The following SIPA1L1 variants were observed in gnomAD, a reference collection of about 807,000 sequenced individuals.
SIPA1L1 encodes signal induced proliferation associated 1 like 1, also known as signal-induced proliferation-associated 1-like protein 1.
In SIPA1L1, 26 loss-of-function variants were observed where a neutral mutation model predicts 162.7. The observed-to-expected ratio is 0.16, with a 90% CI of 0.12 to 0.22. The LOEUF is 0.22. Among genes scored for constraint, SIPA1L1 ranks in the 10% least tolerant of loss-of-function variants. The pLI is 1.00. For synonymous variants in SIPA1L1, 829 were observed against 837.4 expected, an observed-to-expected ratio of 0.99 and a Z score of 0.17; for missense variants, 1,874 against 2,241.0, an observed-to-expected ratio of 0.84 and a Z score of 3.31.
In SIPA1L1 at chr14:71,699,082, C is replaced by G; in HGVS notation, c.3476C>G (p.Thr1159Ser). ...SPSNLSSSSD[T>S]GSVGGTYRQK... ...AGCAACTTGTCTTCATCCAGTGATA[C>G]TGGTTCTGTGGGGGGCACTTACAGG... Residue 1159 changes from threonine to serine, a missense_variant, in exon 14 of 24, where the codon ACT becomes AGT. By Grantham distance (58) the Thr-to-Ser change is moderately conservative. Transcript: ENST00000381232. 1.2e-6 allele frequency: 2 copies of G among 1,614,126 alleles called. No individual in the cohort carries two copies. The highest frequency in any genetic ancestry group is 1.7e-6 in the Non-Finnish European group (2 of 1,179,968).
chr14:71,570,281 A>G (rs1215370192), intron 4 of SIPA1L1, among the ~76,000 whole-genome samples: 1 of 149,896 alleles, frequency 6.7e-6, no homozygotes, highest in East Asian at 1.9e-4. Flanking sequence ...TTATTTATTT[A>G]TTTATTTTTG....
At chr14:71,478,140 T>C (rs931557223) in intron 2 of SIPA1L1, among the ~76,000 whole-genome samples, 1 of 152,232 alleles carries the variant, frequency 6.6e-6, no homozygotes, top group Non-Finnish European at 1.5e-5. Flanking sequence ...CATTTTTTCA[T>C]ATGCTTACTT....
intron 2 of SIPA1L1, among the ~76,000 whole-genome samples, chr14:71,373,922 A>T (rs1286533483): frequency 6.6e-6 from 1 of 152,112 alleles, no homozygotes; most frequent in African/African-American, 2.4e-5. Context: ...AAAAATCCTT[A>T]GACTCAGTTC....
chr14:71,635,513 C>T (rs542529921), intron 7 of SIPA1L1, among the ~76,000 whole-genome samples: 1 of 152,282 alleles, frequency 6.6e-6, no homozygotes, highest in Admixed American at 6.5e-5. Flanking sequence ...AGTTTCTACA[C>T]TTCGCTTCAA....
At chr14:71,704,837 G>A in intron 15 of SIPA1L1, 1 of 1,252,122 alleles carries the variant, frequency 8.0e-7, no homozygotes, top group Non-Finnish European at 1.2e-6. Context: ...ATCCATGCCT[G>A]TCTAGGTAAT....
chr14:71,602,721 G>A (rs370022070), intron 5 of SIPA1L1, among the ~76,000 whole-genome samples: 44 of 152,340 alleles, frequency 2.9e-4, no homozygotes, highest in South Asian at 2.5e-3. Context: ...ACCAGGCTGC[G>A]CAGCAGGAGG....
chr14:71,714,547 G>A (rs943685775), intron 17 of SIPA1L1, among the ~76,000 whole-genome samples: 2 of 151,630 alleles, frequency 1.3e-5, no homozygotes, highest in Non-Finnish European at 1.5e-5. Flanking sequence ...GGGCAGTGGG[G>A]AGGGAAATAA....
chr14:71,690,328 T>G (rs1486220943), intron 13 of SIPA1L1, among the ~76,000 whole-genome samples: 2 of 152,072 alleles, frequency 1.3e-5, no homozygotes, highest in Non-Finnish European at 2.9e-5. Context: ...AAACTCAAAC[T>G]CCTGGGTTCA....
chr14:71,594,635 AT>A (rs1222488307), intron 5 of SIPA1L1, among the ~76,000 whole-genome samples: 12 of 152,188 alleles, frequency 7.9e-5, no homozygotes, highest in African/African-American at 2.9e-4. Flanking sequence ...ACGCTGTTGA[AT>A]TTAGCAGTTA....
At chr14:71,476,530 T>A (rs994875374) in intron 2 of SIPA1L1, among the ~76,000 whole-genome samples, 4 of 152,188 alleles carry the variant, frequency 2.6e-5, no homozygotes, top group Non-Finnish European at 5.9e-5. Context: ...TCTGTGGCAG[T>A]TTTCAGTACC....
Position 71,363,548 on chromosome 14 carries a change from T to C in SIPA1L1, c.-465+42367T>C, listed in dbSNP as rs1298755725. On this transcript the variant is annotated intron_variant, in intron 2 of 23. Coordinates refer to ENST00000381232, the MANE Select transcript of SIPA1L1 (RefSeq NM_001386936.1). ...ATTTGCCTAATTGATCATGAGGTAC[T>C]GAATCACTTATAAGTTAGTTTTTGA... is the stretch of plus-strand genomic sequence containing the variant. Among the ~76,000 whole-genome samples the C allele has an allele frequency of 2.0e-5, 3 of 152,192 alleles. No individual in the cohort carries two copies. The East Asian group carries it at 5.8e-4, about 29-fold the overall frequency.
At position 71,718,366 on chromosome 14, in the gene SIPA1L1, A is replaced by G. The variant is rs2083426564; in HGVS notation, c.4209-5281A>G. ...TAATCAATTAAATGGGGCTGTCTCA[A>G]TTAGAACCACTAGTGAAAAGAAGTG... On this transcript the variant is annotated intron_variant, in intron 17 of 23. Transcript: ENST00000381232. Among the ~76,000 whole-genome samples the G allele has an allele frequency of 2.0e-5, 3 of 152,240 alleles. No homozygotes were observed. The South Asian group carries it at 6.2e-4, about 32-fold the overall frequency.
intron 2 of SIPA1L1, among the ~76,000 whole-genome samples, chr14:71,406,881 G>A (rs1302889634): frequency 6.6e-6 from 1 of 152,158 alleles, no homozygotes; most frequent in Non-Finnish European, 1.5e-5. Flanking sequence ...TATTCTTTGG[G>A]ATAACTTCTT....
At chr14:71,337,786 T>G (rs2035246516) in intron 2 of SIPA1L1, among the ~76,000 whole-genome samples, 1 of 151,996 alleles carries the variant, frequency 6.6e-6, no homozygotes, top group African/African-American at 2.4e-5. Context: ...AAATCCTGTC[T>G]CTACAAAAAA....
At chr14:71,570,453 T>TA (rs1428803749) in intron 4 of SIPA1L1, among the ~76,000 whole-genome samples, 1 of 152,018 alleles carries the variant, frequency 6.6e-6, no homozygotes, top group African/African-American at 2.4e-5. Context: ...TTTGTAGTGA[T>TA]AGAGTTCTGC....
chr14:71,488,784 ATCT>A (rs1270630685), intron 2 of SIPA1L1, among the ~76,000 whole-genome samples: 9 of 152,224 alleles, frequency 5.9e-5, no homozygotes, highest in African/African-American at 2.2e-4. Context: ...TTTTGTTGGC[ATCT>A]TCTTCTGGAT....
intron 13 of SIPA1L1, among the ~76,000 whole-genome samples, chr14:71,691,623 T>C (rs1314888225): frequency 6.6e-6 from 1 of 151,992 alleles, no homozygotes; most frequent in Non-Finnish European, 1.5e-5. Context: ...TGGACTTGCC[T>C]TTCCCTTTTC....
In SIPA1L1 at chr14:71,730,293, C is replaced by T. The variant is rs200944919; in HGVS notation, c.4853C>T (p.Ser1618Leu). ...CCTTCTTACACCTTAGGAATGAAAT[C>T]GCTGCATGGTAAGTGGTCTTTCAGC... ...RRPSYTLGMKSLHGEFSASDS... is the reference protein window; with the variant it reads ...RRPSYTLGMKLLHGEFSASDS... Residue 1618 changes from serine (S) to leucine (L), a missense_variant, in exon 20 of 24, where the codon TCG (serine) becomes TTG (leucine). Ser to Leu is a moderately radical substitution (Grantham distance 145). Around this residue, in one of 5 missense-constraint regions of SIPA1L1, gnomAD observed 936 missense variants for 1,051.9 expected, o/e 0.89. Coordinates refer to ENST00000381232, the MANE Select transcript of SIPA1L1 (RefSeq NM_001386936.1). 460 of 1,613,988 alleles carry T rather than the reference C, an allele frequency of 2.9e-4. 2 individuals carry two copies. The South Asian group carries it at 4.7e-3, about 16-fold the overall frequency.
At chr14:71,549,753 A>C (rs1050818259) in intron 4 of SIPA1L1, among the ~76,000 whole-genome samples, 1 of 152,280 alleles carries the variant, frequency 6.6e-6, no homozygotes. Context: ...TCTCAACTGA[A>C]ACTTGCCCTC....
Sources: allele counts gnomAD v4.1 joint callset (sites outside exome capture counted in the v4.1 genomes callset), GRCh38; gene constraint gnomAD v4.1.1; regional missense constraint gnomAD v4.1.1; transcripts MANE v1.5; gene names NCBI Gene and HGNC (gene_info 2026-07-23, HGNC 2026-07-21).